Variants in ANKZF1 observed in about 807,000 individuals in gnomAD.
ANKZF1 encodes ankyrin repeat and zinc finger peptidyl tRNA hydrolase 1.
ANKZF1 carries 84 observed loss-of-function variants against 86.0 expected under a neutral mutation model. The ratio of observed to expected loss-of-function variants is 0.98; its 90% CI spans 0.82 to 1.17. ANKZF1 has a LOEUF of 1.17. Ranked by LOEUF, ANKZF1 falls within the 50% of genes most tolerant of loss-of-function variation. The pLI is 0.00. For synonymous variants in ANKZF1, 331 were observed against 354.2 expected (o/e 0.93, Z 0.74); for missense variants, 893 against 918.4 (o/e 0.97, Z 0.36).
rs1411520603 is a variant in ANKZF1, at chr2:219,235,009, A to C, written c.1388A>C (p.Gln463Pro). ...CATCGGACTCTTCTCCAGCAAACTC[A>C]AGAAGAGGAGCCTTCCACACAGTCA... The part of the protein sequence containing the change: ...GAHRTLLQQT[Q>P]EEEPSTQSSQ... Residue 463 changes from glutamine to proline, a missense_variant, in exon 10 of 14, where the codon CAA (glutamine) becomes CCA (proline). Coordinates refer to ENST00000323348, the MANE Select transcript of ANKZF1 (RefSeq NM_018089.3). 12 of 1,614,134 alleles carry C rather than the reference A, an allele frequency of 7.4e-6. No homozygotes were observed. Among genetic ancestry groups the C allele is most frequent in the African/African-American group, 2.7e-5 (2 of 74,948 alleles).
At position 219,234,226 on chromosome 2, in the gene ANKZF1, TAAGA is replaced by T. The variant is rs758651743; in HGVS notation, c.1147_1150del (p.Lys383SerfsTer30). The T allele has an allele frequency of 2.0e-5, 33 of 1,613,928 alleles. No homozygotes were observed. The South Asian group carries it at 3.5e-4, about 17-fold the overall frequency. On this transcript the variant is annotated frameshift_variant, in exon 9 of 14. Transcript: ENST00000323348. LOFTEE classifies it high-confidence loss of function. ...AGAAAGAAGCCTACTGAGGAAGAAATAAGAAAGATCTGCAGGGATGAAAAGGAAG... is the reference window on the plus strand; with the variant it reads ...AGAAAGAAGCCTACTGAGGAAGAAATAAGATCTGCAGGGATGAAAAGGAAG...
In ANKZF1 at chr2:219,234,255, G is replaced by C; in HGVS notation, c.1171G>C (p.Ala391Pro). 6.2e-7 allele frequency: 1 copy of C among 1,613,974 alleles called. No homozygotes were observed. The highest frequency in any genetic ancestry group is 1.1e-5 in the South Asian group (1 of 91,084). The change falls in exon 9 of 14, where the codon GCG (alanine) becomes CCG (proline). Residue 391 changes from alanine to proline, a missense_variant. Transcript: ENST00000323348. ...IRKICRDEKE[A>P]LGQNEESPKQ... is the part of the protein sequence containing the mutation. ...AAAGATCTGCAGGGATGAAAAGGAA[G>C]CGCTGGGGCAGAATGAGGAATCTCC...
chr2:219,230,485 T>C, intron 2 of ANKZF1, 80 bp downstream of exon 2: 1 of 1,489,390 alleles, frequency 6.7e-7, no homozygotes. Context: ...TTCTTATTGG[T>C]ATTCCCGAGC....
chr2:219,233,288 G>A lies in ANKZF1; in HGVS notation c.674G>A (p.Arg225Lys). 1 of 1,614,218 alleles carries A rather than the reference G, an allele frequency of 6.2e-7. No homozygotes were observed. Among genetic ancestry groups the A allele is most frequent in the Non-Finnish European group, 8.5e-7 (1 of 1,180,050 alleles). ...GHFAGAIFQGREVVTHKTFHR... is the reference protein window; with the variant it reads ...GHFAGAIFQGKEVVTHKTFHR... ...TACTGAGTCTGTGCTGTCTACAGAA[G>A]AGAAGTGGTGACACACAAAACTTTT... The change falls in exon 7 of 14, where the codon AGA becomes AAA. Residue 225 changes from arginine to lysine, a missense_variant and splice_region_variant. Arg to Lys is a conservative substitution (Grantham distance 26, BLOSUM62 2). Coordinates refer to ENST00000323348, the MANE Select transcript of ANKZF1 (RefSeq NM_018089.3).
At chr2:219,233,656 G>A in intron 7 of ANKZF1, 59 bp from the exon 8 acceptor site, 1 of 1,531,412 alleles carries the variant, frequency 6.5e-7, no homozygotes. Flanking sequence ...ATTTTTTTTA[G>A]TTGGAGATTT....
intron 3 of ANKZF1, 57 bp downstream of exon 3, chr2:219,232,097 G>A: frequency 1.3e-6 from 2 of 1,489,904 alleles, no homozygotes; most frequent in South Asian, 2.4e-5. Flanking sequence ...GGTGGGTGGG[G>A]AGAGGTAGAC....
In ANKZF1 at chr2:219,232,602, C is replaced by T. The variant is rs1263759510; in HGVS notation, c.477C>T (p.Gly159=). ...TTGAGAAGTTGAGCCGACCCCCAGG[C>T]TTTTACCCTCATCGAGTTCTTTTCC... ...ATFEKLSRPP[G]FYPHRVLFQN... is the part of the protein sequence containing the mutation. Residue 159 remains glycine (G), a synonymous_variant, in exon 5 of 14, where the codon GGC becomes GGT. Transcript: ENST00000323348. 3 of 1,614,054 alleles carry T rather than the reference C, an allele frequency of 1.9e-6. No homozygotes were observed. Among genetic ancestry groups the T allele is most frequent in the Non-Finnish European group, 2.5e-6 (3 of 1,180,038 alleles).
chr2:219,235,370 T>TA (rs1178304854), intron 10 of ANKZF1, 58 bp downstream of exon 10: 2 of 1,595,800 alleles, frequency 1.3e-6, no homozygotes, highest in East Asian at 2.2e-5. Context: ...ATTTGGAGGT[T>TA]AAAGTTGGCA....
At position 219,235,519 on chromosome 2, in the gene ANKZF1, A is replaced by C. The variant is rs1264316641; in HGVS notation, c.1737A>C (p.Ser579=). 2 of 1,614,038 alleles carry C rather than the reference A, an allele frequency of 1.2e-6. No individual in the cohort carries two copies. The highest frequency in any genetic ancestry group is 1.7e-6 in the Non-Finnish European group (2 of 1,180,020). Residue 579 remains serine (S), a synonymous_variant, in exon 11 of 14, where the codon TCA becomes TCC. Transcript: ENST00000323348. ...RPPYTVAADK[S]TRNEFRRFME... Reference sequence around the variant, plus strand: ...CTTATACTGTTGCGGCTGACAAATCAACACGTAATGAGTTCCGAAGGTTCA... The same window carrying C: ...CTTATACTGTTGCGGCTGACAAATCCACACGTAATGAGTTCCGAAGGTTCA...
Position 219,232,042 on chromosome 2 carries a change from TA to T in ANKZF1, c.261+4del, listed in dbSNP as rs1951055909. ...ACCTTCCAGAACCACCAAGAACAGG[TA>T]ATAGGTCAGGTGCAGAGCTAGATGT... On this transcript the variant is annotated splice_donor_region_variant and intron_variant, in intron 3 of 13. Transcript: ENST00000323348. The T allele has an allele frequency of 6.2e-7, 1 of 1,600,056 alleles. No homozygotes were observed. Among genetic ancestry groups the T allele is most frequent in the African/African-American group, 1.4e-5 (1 of 73,538 alleles).
intron 13 of ANKZF1, 49 bp downstream of exon 13, chr2:219,236,144 C>T: frequency 6.2e-7 from 1 of 1,609,536 alleles, no homozygotes; most frequent in South Asian, 1.1e-5. Context: ...GTTGCAGGGA[C>T]CATTGGGGGC....
rs569494779 is a variant in ANKZF1, at chr2:219,229,815, G to A, written c.-116G>A. On this transcript the variant is annotated 5_prime_UTR_variant, in exon 1 of 14. Coordinates refer to ENST00000323348, the MANE Select transcript of ANKZF1 (RefSeq NM_018089.3). The surrounding 1 kb of genome is among the most constrained non-coding windows in gnomAD (Gnocchi z 4.2). ...GACGCCGCCGGTTGTCCTCTTCGCT[G>A]CTCCGTAGTGACGGGGATTGTTGTG... The A allele has an allele frequency of 1.6e-4, 27 of 163,870 alleles. No individual in the cohort carries two copies. Among genetic ancestry groups the A allele is most frequent in the Non-Finnish European group, 2.2e-4 (16 of 73,864 alleles). 10.2% of individuals were successfully genotyped at this position (163,870 alleles called of 1,614,324 possible). A position where few individuals can be genotyped will look rare whatever the true frequency, so the allele number is the denominator to read the frequency against.
At chr2:219,232,803 G>C (rs536213161) in intron 5 of ANKZF1, 120 bp downstream of exon 5, 1 of 1,126,392 alleles carries the variant, frequency 8.9e-7, no homozygotes, top group African/African-American at 1.6e-5. Context: ...TGGGTATCAC[G>C]CTTGACAACA....
Position 219,234,139 on chromosome 2 carries a change from A to G in ANKZF1, c.1055A>G (p.Asp352Gly), listed in dbSNP as rs752271664. Residue 352 changes from aspartate (D) to glycine (G), a missense_variant, in exon 9 of 14, where the codon GAC becomes GGC. Asp to Gly is a moderately conservative substitution (Grantham distance 94, BLOSUM62 -1). Transcript: ENST00000323348. ...ATCTTTTCTTTTATGGCAGAAGAAGACCCTCGGGAAGCAGTCAGACTGCAC... is the reference window on the plus strand; with the variant it reads ...ATCTTTTCTTTTATGGCAGAAGAAGGCCCTCGGGAAGCAGTCAGACTGCAC... Reference protein sequence around the residue: ...KLTTLHVYEEDPREAVRLHSP... With the variant: ...KLTTLHVYEEGPREAVRLHSP... 1.2e-6 allele frequency: 2 copies of G among 1,608,494 alleles called. No homozygotes were observed. Among genetic ancestry groups the G allele is most frequent in the South Asian group, 1.1e-5 (1 of 89,376 alleles).
rs1312329157 is a variant in ANKZF1, at chr2:219,232,596, C to T, written c.471C>T (p.Pro157=). The stretch of plus-strand genomic sequence containing the variant: ...CTACATTTGAGAAGTTGAGCCGACC[C>T]CCAGGCTTTTACCCTCATCGAGTTC... ...ERATFEKLSR[P]PGFYPHRVLF... is the part of the protein sequence containing the mutation. The change falls in exon 5 of 14, where the codon CCC becomes CCT. Residue 157 remains proline, a synonymous_variant. Transcript: ENST00000323348. The T allele has an allele frequency of 3.7e-6, 6 of 1,614,058 alleles. No individual in the cohort carries two copies. In the Admixed American group the frequency reaches 5.0e-5, roughly 13 times the overall value.
intron 5 of ANKZF1, 169 bp from the exon 6 acceptor site, chr2:219,232,910 C>G (rs558032848): frequency 1.1e-5 from 9 of 823,560 alleles, no homozygotes; most frequent in Non-Finnish European, 1.7e-5. Context: ...TGTGATTCTA[C>G]CACTTCATCT....
In ANKZF1 at chr2:219,230,261, TCGC is replaced by T. The variant is rs1950989441; in HGVS notation, c.7_9del (p.Pro3del). 1 of 1,612,976 alleles carries T rather than the reference TCGC, an allele frequency of 6.2e-7. No homozygotes were observed. Among genetic ancestry groups the T allele is most frequent in the Non-Finnish European group, 8.5e-7 (1 of 1,179,208 alleles). ...GCTAAATAATTTCTGCTCAGCCATG[TCGC>T]CGGCTCCAGATGCAGCCCCGGCTCC... On this transcript the variant is annotated inframe_deletion, in exon 2 of 14. Coordinates refer to ENST00000323348, the MANE Select transcript of ANKZF1 (RefSeq NM_018089.3).
intron 7 of ANKZF1, 62 bp downstream of exon 7, chr2:219,233,495 C>G: frequency 1.3e-6 from 2 of 1,507,924 alleles, no homozygotes; most frequent in Non-Finnish European, 1.8e-6. Context: ...CTCTGTTCAA[C>G]TCACTGTTAA....
chr2:219,234,305 G>C lies in ANKZF1; in HGVS notation c.1204+17G>C. ...CCAAACAGGGTTTGATTACTATCTG[G>C]CAACTGTCAGATCTGAGTTTCTGTC... On this transcript the variant is annotated intron_variant, in intron 9 of 13. Transcript: ENST00000323348. 6 of 1,613,768 alleles carry C rather than the reference G, an allele frequency of 3.7e-6. No homozygotes were observed. The highest frequency in any genetic ancestry group is 5.1e-6 in the Non-Finnish European group (6 of 1,179,996).
Sources: gnomAD v4.1 joint callset for allele counts on GRCh38, gnomAD v4.1.1 for gene constraint, Gnocchi (gnomAD v3.1) non-coding constraint, MANE v1.5 for transcripts, NCBI Gene and HGNC (gene_info 2026-07-23, HGNC 2026-07-21) for gene names.